Variants in SEMA3C observed in about 807,000 individuals in gnomAD.
SEMA3C encodes semaphorin 3C, also known as semaphorin-3C.
A neutral mutation model predicts 89.4 loss-of-function variants in SEMA3C; 47 were observed. The observed-to-expected ratio is 0.53, with a 90% CI of 0.42 to 0.67. The LOEUF (loss-of-function observed/expected upper bound fraction) is 0.67. Among genes scored for constraint, SEMA3C ranks in the 30% least tolerant of loss-of-function variants. The pLI, the probability that SEMA3C is intolerant of heterozygous loss-of-function variation, is 0.00. For missense variants in SEMA3C, 839 were observed against 929.1 expected (o/e 0.90, Z 1.26); for synonymous variants, 310 against 320.2 (o/e 0.97, Z 0.34).
At chr7:80,893,985 A>T (rs1791675379) in intron 2 of SEMA3C, among the ~76,000 whole-genome samples, 1 of 152,182 alleles carries the variant, frequency 6.6e-6, no homozygotes, top group African/African-American at 2.4e-5. Flanking sequence ...CCATTTCTAC[A>T]ACTCACTTGA....
At chr7:80,814,384 A>G (rs1422541476) in intron 5 of SEMA3C, among the ~76,000 whole-genome samples, 3 of 152,036 alleles carry the variant, frequency 2.0e-5, no homozygotes, top group Admixed American at 6.6e-5. Context: ...CACCGCGCCC[A>G]GCCCTGCCTG....
chr7:80,843,344 A>G lies in SEMA3C; in HGVS notation c.104-14599T>C, dbSNP rs533993370. Among the ~76,000 whole-genome samples the G allele has an allele frequency of 7.9e-5, 12 of 152,294 alleles. No individual in the cohort carries two copies. The East Asian group carries it at 2.3e-3, about 29-fold the overall frequency. On this transcript the variant is annotated intron_variant, in intron 2 of 17. Transcript: ENST00000265361. ...GTATTATCTATCAATTAAAGCACAAATTAAAAATTAAAATGAGACTCTTTT... is the reference window on the plus strand; with the variant it reads ...GTATTATCTATCAATTAAAGCACAAGTTAAAAATTAAAATGAGACTCTTTT...
chr7:80,777,503 G>A (rs1788578281), intron 12 of SEMA3C, among the ~76,000 whole-genome samples: 1 of 152,132 alleles, frequency 6.6e-6, no homozygotes, highest in South Asian at 2.1e-4. Context: ...TGTTGGCCAG[G>A]CTGGTCTCAA....
At chr7:80,823,763 G>A (rs1004983205) in intron 4 of SEMA3C, among the ~76,000 whole-genome samples, 12 of 151,962 alleles carry the variant, frequency 7.9e-5, no homozygotes, top group Middle Eastern at 3.4e-3. Flanking sequence ...TTTTTCAACC[G>A]TCTCCTATAG....
intron 2 of SEMA3C, chr7:80,847,259 C>T (rs917576556): frequency 6.6e-6 from 1 of 152,140 alleles, no homozygotes; most frequent in African/African-American, 2.4e-5. Context: ...TTGTCACTCA[C>T]CACAGAGCAA....
At chr7:80,884,184 T>A (rs1040098117) in intron 2 of SEMA3C, among the ~76,000 whole-genome samples, 3 of 152,176 alleles carry the variant, frequency 2.0e-5, no homozygotes, top group East Asian at 3.9e-4. Context: ...CAGATGTAAA[T>A]GAAATCTCAT....
intron 2 of SEMA3C, among the ~76,000 whole-genome samples, chr7:80,843,687 G>A (rs1007641445): frequency 2.0e-5 from 3 of 151,734 alleles, no homozygotes; most frequent in Non-Finnish European, 4.4e-5. Context: ...CTAGCTTTAG[G>A]GCATTACTCC....
At chr7:80,912,432 T>C (rs1792174979) in intron 2 of SEMA3C, among the ~76,000 whole-genome samples, 1 of 152,206 alleles carries the variant, frequency 6.6e-6, no homozygotes, top group Non-Finnish European at 1.5e-5. Context: ...TTTATAACAG[T>C]TTTTACCTTG....
At chr7:80,891,379 C>T (rs1252092740) in intron 2 of SEMA3C, among the ~76,000 whole-genome samples, 1 of 152,098 alleles carries the variant, frequency 6.6e-6, no homozygotes, top group African/African-American at 2.4e-5. Flanking sequence ...CCCCATAATA[C>T]TTCTACTGCT....
chr7:80,898,517 T>C (rs1485234249), intron 2 of SEMA3C, among the ~76,000 whole-genome samples: 1 of 152,066 alleles, frequency 6.6e-6, no homozygotes, highest in African/African-American at 2.4e-5. Context: ...ATAAGAATTA[T>C]TGTATGTATA....
intron 2 of SEMA3C, among the ~76,000 whole-genome samples, chr7:80,873,611 A>G (rs1287457382): frequency 6.6e-6 from 1 of 152,142 alleles, no homozygotes; most frequent in African/African-American, 2.4e-5. Context: ...TTCAGAGTTG[A>G]AGCTCTCTTC....
At chr7:80,784,770 A>G (rs954327854) in intron 12 of SEMA3C, among the ~76,000 whole-genome samples, 2 of 152,170 alleles carry the variant, frequency 1.3e-5, no homozygotes, top group African/African-American at 2.4e-5. Context: ...TTCTCTATGG[A>G]CACTGAAATC....
intron 15 of SEMA3C, among the ~76,000 whole-genome samples, chr7:80,754,947 G>GTTTTTTTTTT (rs1031680674): frequency 1.5e-4 from 2 of 13,130 alleles, no homozygotes; most frequent in Admixed American, 1.3e-3. Flanking sequence ...CTGGCGAATT[G>GTTTTTTTTTT]TTTTTTTTTG....
intron 5 of SEMA3C, among the ~76,000 whole-genome samples, chr7:80,812,650 T>C (rs145554336): frequency 6.6e-6 from 1 of 152,262 alleles, no homozygotes; most frequent in African/African-American, 2.4e-5. Flanking sequence ...CAGGAGCAGA[T>C]GTGGTCTACC....
chr7:80,756,027 A>G (rs561170693), intron 15 of SEMA3C, among the ~76,000 whole-genome samples: 92 of 152,254 alleles, frequency 6.0e-4, no homozygotes, highest in African/African-American at 2.1e-3. Context: ...TTCCTATCTC[A>G]TGCCATTAAG....
At chr7:80,919,341 T>C (rs1278426572), upstream of SEMA3C, 8 of 985,338 alleles carry the variant, frequency 8.1e-6, no homozygotes, top group Non-Finnish European at 9.6e-6. Flanking sequence ...ACCCTGCTCC[T>C]TTCGCAGTCC....
At chr7:80,793,732 G>A (rs915156488) in intron 11 of SEMA3C, among the ~76,000 whole-genome samples, 2 of 151,784 alleles carry the variant, frequency 1.3e-5, no homozygotes, top group Non-Finnish European at 1.5e-5. Flanking sequence ...ACTGTAATTC[G>A]TAGGGCATGG....
chr7:80,893,096 TTTTA>T (rs1348191786), intron 2 of SEMA3C, among the ~76,000 whole-genome samples: 1 of 152,114 alleles, frequency 6.6e-6, no homozygotes, highest in African/African-American at 2.4e-5. Flanking sequence ...AGCCCAGAGT[TTTTA>T]TTTATTTTTA....
chr7:80,819,462 T>C (rs1043918001), intron 4 of SEMA3C, among the ~76,000 whole-genome samples: 4 of 152,176 alleles, frequency 2.6e-5, no homozygotes, highest in Non-Finnish European at 4.4e-5. Flanking sequence ...ACAAACATGT[T>C]CTGAATGCAC....
Sources: allele counts gnomAD v4.1 joint callset (sites outside exome capture counted in the v4.1 genomes callset), GRCh38; gene constraint gnomAD v4.1.1; transcripts MANE v1.5; gene names NCBI Gene and HGNC (gene_info 2026-07-23, HGNC 2026-07-21).